The following CDK14 variants were observed in gnomAD, a reference collection of about 807,000 sequenced individuals.
CDK14 encodes the protein cyclin-dependent kinase 14.
Under a neutral mutation model 60.7 loss-of-function variants are expected in CDK14, and 34 were observed. The ratio of observed to expected loss-of-function variants is 0.56; its 90% confidence interval spans 0.43 to 0.75. The LOEUF is 0.75. CDK14 is among the 30% of genes least tolerant of loss of function. The probability of loss-of-function intolerance (pLI) is 0.00; values close to 1 mark genes in which losing one functional copy is unlikely to be tolerated. For synonymous variants in CDK14, 197 were observed against 203.7 expected (o/e 0.97, Z 0.28); for missense variants, 482 against 564.1 (o/e 0.85, Z 1.47).
intron 5 of CDK14, among the ~76,000 whole-genome samples, chr7:90,841,275 C>T (rs1790281476): frequency 6.6e-6 from 1 of 151,908 alleles, no homozygotes; most frequent in Non-Finnish European, 1.5e-5. Flanking sequence ...AGAAAACAAA[C>T]AGTGAACATG....
intron 2 of CDK14, among the ~76,000 whole-genome samples, chr7:90,669,946 C>T (rs1429987241): frequency 6.6e-6 from 1 of 152,134 alleles, no homozygotes; most frequent in East Asian, 1.9e-4. Flanking sequence ...AAAAAGTCCT[C>T]AAAAAATATA....
At chr7:90,908,293 T>G (rs1453150923) in intron 7 of CDK14, among the ~76,000 whole-genome samples, 2 of 152,150 alleles carry the variant, frequency 1.3e-5, no homozygotes, top group Non-Finnish European at 2.9e-5. Context: ...TTTAGTTGTT[T>G]AGAACATGTC....
chr7:90,911,069 A>G (rs1792881544), intron 7 of CDK14, among the ~76,000 whole-genome samples: 1 of 152,094 alleles, frequency 6.6e-6, no homozygotes, highest in Non-Finnish European at 1.5e-5. Flanking sequence ...TTGCTGAGAA[A>G]ATTCACTTGT....
At chr7:90,634,815 G>T (rs1052231439) in intron 2 of CDK14, among the ~76,000 whole-genome samples, 1 of 151,948 alleles carries the variant, frequency 6.6e-6, no homozygotes, top group Non-Finnish European at 1.5e-5. Flanking sequence ...ACTTTTTAAT[G>T]ATTGCCATTC....
intron 2 of CDK14, among the ~76,000 whole-genome samples, chr7:90,695,964 A>T (rs1186568700): frequency 6.6e-6 from 1 of 152,158 alleles, no homozygotes; most frequent in Non-Finnish European, 1.5e-5. Context: ...AATTAAAAAA[A>T]CCCTGCCTGT....
At chr7:90,882,927 G>A (rs1313996711) in intron 6 of CDK14, among the ~76,000 whole-genome samples, 2 of 152,036 alleles carry the variant, frequency 1.3e-5, no homozygotes, top group Non-Finnish European at 1.5e-5. Flanking sequence ...AGAATCTCTG[G>A]GACACAGCTA....
chr7:90,938,665 G>A (rs894995269), intron 8 of CDK14, among the ~76,000 whole-genome samples: 1 of 152,156 alleles, frequency 6.6e-6, no homozygotes, highest in African/African-American at 2.4e-5. Flanking sequence ...TAGAAAAAGT[G>A]TTCTGTTAAA....
At chr7:91,025,463 A>G (rs1159969411) in intron 10 of CDK14, among the ~76,000 whole-genome samples, 1 of 152,220 alleles carries the variant, frequency 6.6e-6, no homozygotes, top group Non-Finnish European at 1.5e-5. Flanking sequence ...AGTGAGTTTT[A>G]TGACTTAAAT....
At chr7:90,775,003 T>A (rs961068134) in intron 4 of CDK14, among the ~76,000 whole-genome samples, 2 of 152,298 alleles carry the variant, frequency 1.3e-5, no homozygotes, top group Admixed American at 6.5e-5. Flanking sequence ...GTGATGTGAT[T>A]TTTTTGGTGC....
intron 5 of CDK14, among the ~76,000 whole-genome samples, chr7:90,823,893 T>C (rs1789633168): frequency 6.6e-6 from 1 of 152,170 alleles, no homozygotes; most frequent in South Asian, 2.1e-4. Context: ...TCTATAAAGA[T>C]GGCACATAGT....
chr7:90,654,773 A>C (rs6958116), intron 2 of CDK14, among the ~76,000 whole-genome samples: 46,417 of 151,964 alleles, frequency 0.31, 7,975 homozygotes, highest in East Asian at 0.67. Context: ...CCTGTTATTA[A>C]TATTTTGCGT....
chr7:90,811,497 C>T (rs1789110911), intron 5 of CDK14, among the ~76,000 whole-genome samples: 1 of 152,114 alleles, frequency 6.6e-6, no homozygotes. Context: ...AACGTTAGAC[C>T]TCAAACCATA....
At position 90,776,965 on chromosome 7, in the gene CDK14, T is replaced by C. The variant is rs1805074073; in HGVS notation, c.465-13608T>C. On this transcript the variant is annotated intron_variant, in intron 4 of 14. Transcript: ENST00000380050. ...TCCCCCTTCTCTAATGAAAATACTGTTCCGATGGTTTCTCAACAATTAGAA... is the reference window on the plus strand; with the variant it reads ...TCCCCCTTCTCTAATGAAAATACTGCTCCGATGGTTTCTCAACAATTAGAA... Among the ~76,000 whole-genome samples, 3 of 152,060 alleles carry C rather than the reference T, an allele frequency of 2.0e-5. No individual in the cohort carries two copies. The South Asian group carries it at 6.2e-4, about 32-fold the overall frequency.
At chr7:90,776,387 T>C (rs1439143590) in intron 4 of CDK14, among the ~76,000 whole-genome samples, 1 of 152,210 alleles carries the variant, frequency 6.6e-6, no homozygotes, top group Non-Finnish European at 1.5e-5. Context: ...CTGAGAAGTA[T>C]ACAACCCATA....
chr7:90,829,731 C>T (rs1209022573), intron 5 of CDK14, among the ~76,000 whole-genome samples: 4 of 152,120 alleles, frequency 2.6e-5, no homozygotes, highest in Admixed American at 2.6e-4. Context: ...CAGGGTTTCA[C>T]CATGTTGGTC....
Position 91,118,017 on chromosome 7 carries a change from A to G in CDK14, c.1295-48A>G, listed in dbSNP as rs756731513. On this transcript the variant is annotated intron_variant, in intron 13 of 14. Transcript: ENST00000380050. Reference sequence around the variant, plus strand: ...ATTTTTTTAAAAAAAAAACATGATTATAAATATCTATAACTATATAAATGA... The same window carrying G: ...ATTTTTTTAAAAAAAAAACATGATTGTAAATATCTATAACTATATAAATGA... 7.5e-6 allele frequency: 8 copies of G among 1,069,380 alleles called. No individual in the cohort carries two copies. The Admixed American group carries it at 1.1e-4, about 15-fold the overall frequency. 66.2% of individuals were successfully genotyped at this position (1,069,380 alleles called of 1,614,324 possible). A position where few individuals can be genotyped will look rare whatever the true frequency, so the allele number is the denominator to read the frequency against.
At chr7:90,664,088 A>G (rs1021098318) in intron 2 of CDK14, among the ~76,000 whole-genome samples, 4 of 152,256 alleles carry the variant, frequency 2.6e-5, no homozygotes, top group South Asian at 2.1e-4. Flanking sequence ...ACTCAAACAA[A>G]TTTACAGGAA....
In CDK14 at chr7:90,874,503, C is replaced by CTTTTTTT. The variant is rs747439482; in HGVS notation, c.639+11264_639+11270dup. ...ATCTGGAATCTCATGTCCTTTCATC[C>CTTTTTTT]TTTTTTTTTTTTTTTTTTTTTTTTT... On this transcript the variant is annotated intron_variant, in intron 6 of 14. Transcript: ENST00000380050. 4.8e-4 allele frequency among the ~76,000 whole-genome samples: 23 copies of CTTTTTTT among 48,010 alleles called. 7 individuals are homozygous for CTTTTTTT. Among genetic ancestry groups the CTTTTTTT allele is most frequent in the East Asian group, 2.4e-3 (2 of 834 alleles). The allele number at this position is 48,010 out of a possible 152,430, so 31.5% of individuals were successfully genotyped here.
intron 14 of CDK14, among the ~76,000 whole-genome samples, chr7:91,196,889 G>A (rs146952798): frequency 4.7e-4 from 72 of 152,344 alleles, no homozygotes; most frequent in Non-Finnish European, 9.6e-4. Context: ...CATTCTCAGT[G>A]TCTCAGATTT....
Sources: allele counts gnomAD v4.1 joint callset (sites outside exome capture counted in the v4.1 genomes callset), GRCh38; gene constraint gnomAD v4.1.1; transcripts MANE v1.5; gene names NCBI Gene and HGNC (gene_info 2026-07-23, HGNC 2026-07-21).